Variants in ZZEF1 observed in about 807,000 individuals in gnomAD.
The protein encoded by ZZEF1 is zinc finger ZZ-type and EF-hand domain-containing protein 1.
In ZZEF1, 157 loss-of-function variants were observed where a neutral mutation model predicts 342.8. The observed-to-expected ratio is 0.46, with a 90% CI of 0.40 to 0.52. The LOEUF is 0.52. Ranked by LOEUF, ZZEF1 falls within the 20% of genes least tolerant of loss-of-function variation. The probability of loss-of-function intolerance (pLI) is 0.00; values close to 1 mark genes in which losing one functional copy is unlikely to be tolerated. For missense variants in ZZEF1, 3,480 were observed against 3,725.6 expected (o/e 0.93, Z 1.72); for synonymous variants, 1,505 against 1,429.1 (o/e 1.05, Z -1.20).
At position 4,017,500 on chromosome 17, in the gene ZZEF1, T is replaced by C; in HGVS notation, c.7872A>G (p.Ala2624=). ...GGCTAGGCCACTCGGCGAGCAGGGA[T>C]GCAAGCACGTGGCGGGCGTACAGGA... ...TAVLYARHVL[A]SLLAEWPSHV... is the part of the protein sequence containing the mutation. Residue 2624 remains alanine (A), a synonymous_variant, in exon 48 of 55, where the codon GCA becomes GCG. Transcript: ENST00000381638. The surrounding 1 kb of genome is among the most constrained non-coding windows in gnomAD (Gnocchi z 5.1). 1 of 1,614,256 alleles carries C rather than the reference T, an allele frequency of 6.2e-7. No homozygotes were observed. Among genetic ancestry groups the C allele is most frequent in the Admixed American group, 1.7e-5 (1 of 60,036 alleles).
intron 39 of ZZEF1, among the ~76,000 whole-genome samples, chr17:4,038,802 T>G (rs908431204): frequency 1.4e-5 from 2 of 144,778 alleles, no homozygotes; most frequent in Non-Finnish European, 3.0e-5. Context: ...CAAGACTCTG[T>G]CTCAAAAAAC....
At chr17:4,037,138 C>G (rs1241760575) in intron 39 of ZZEF1, among the ~76,000 whole-genome samples, 1 of 151,914 alleles carries the variant, frequency 6.6e-6, no homozygotes, top group Non-Finnish European at 1.5e-5. Context: ...AATCATGAAC[C>G]CATACTGATA....
intron 2 of ZZEF1, among the ~76,000 whole-genome samples, chr17:4,121,727 A>ATTT (rs113730635): frequency 6.8e-6 from 1 of 146,776 alleles, no homozygotes; most frequent in African/African-American, 2.5e-5. Context: ...GGAGATACAC[A>ATTT]TTTTTTTTTT....
At chr17:4,116,845 A>C (rs1321091110) in intron 3 of ZZEF1, 127 bp downstream of exon 3, 1 of 962,050 alleles carries the variant, frequency 1.0e-6, no homozygotes, top group Non-Finnish European at 1.5e-6. Context: ...TCACATTCTT[A>C]CGTTACAAAC....
intron 6 of ZZEF1, 99 bp downstream of exon 6, chr17:4,109,554 A>T (rs2058263724): frequency 5.3e-6 from 7 of 1,323,974 alleles, no homozygotes; most frequent in Non-Finnish European, 7.5e-6. Context: ...ACTGAGCCAC[A>T]ACGATCAATG....
At chr17:4,065,490 T>C (rs1567809196) in intron 28 of ZZEF1, among the ~76,000 whole-genome samples, 1 of 152,086 alleles carries the variant, frequency 6.6e-6, no homozygotes, top group South Asian at 2.1e-4. Context: ...TTTATCTCAT[T>C]ATAGAAATCA....
rs1024808185 is a variant in ZZEF1 at position 4,104,634 on chromosome 17, A to G, written c.1572T>C (p.Tyr524=). 1.2e-6 allele frequency: 2 copies of G among 1,613,402 alleles called. No homozygotes were observed. Among genetic ancestry groups the G allele is most frequent in the Non-Finnish European group, 1.7e-6 (2 of 1,179,804 alleles). Reference sequence around the variant, plus strand: ...ACCCCCATGTTTTACCATATTTACCATATTTGAGGAGCAGGTTCTGTCTGA... The same window carrying G: ...ACCCCCATGTTTTACCATATTTACCGTATTTGAGGAGCAGGTTCTGTCTGA... ...ASVRQNLLLK[Y]GKPLQLTLQA... Residue 524 remains tyrosine (Y), a splice_region_variant and synonymous_variant, in exon 8 of 55, where the codon TAT becomes TAC. Coordinates refer to ENST00000381638, the MANE Select transcript of ZZEF1 (RefSeq NM_015113.4).
At chr17:4,032,755 CCA>C in intron 41 of ZZEF1, 71 bp downstream of exon 41, 1 of 1,509,436 alleles carries the variant, frequency 6.6e-7, no homozygotes, top group Non-Finnish European at 9.1e-7. Context: ...TATCCGGAAG[CCA>C]CAGAGGCTTT....
rs78839012 is a variant in ZZEF1 at position 4,109,920 on chromosome 17, G to C, written c.1067-57C>G. 1,721 of 1,571,066 alleles carry C rather than the reference G, an allele frequency of 1.1e-3. 15 individuals carry two copies. The African/African-American group carries it at 0.021, about 19-fold the overall frequency. On this transcript the variant is annotated intron_variant, in intron 5 of 54. Transcript: ENST00000381638. ...GATTAACTTCTTTAGGCAAATGCTG[G>C]GCTCCCAACTAAAAGCAAAATAGTA...
chr17:4,091,392 A>G (rs1466013990), intron 11 of ZZEF1, among the ~76,000 whole-genome samples: 1 of 152,238 alleles, frequency 6.6e-6, no homozygotes, highest in Non-Finnish European at 1.5e-5. Context: ...TCCAGCCTTG[A>G]GGCTGAAGAG....
rs755336147 is a variant in ZZEF1, at chr17:4,142,741, T to C, written c.155A>G (p.Glu52Gly). Residue 52 changes from glutamate to glycine, a missense_variant, in exon 1 of 55, where the codon GAG becomes GGG. By Grantham distance (98) the Glu-to-Gly change is moderately conservative. Transcript: ENST00000381638. ...PALPPAAALLEPARLREAAAA... is the reference protein window; with the variant it reads ...PALPPAAALLGPARLREAAAA... ...AGCAGCCTCTCGCAGCCTGGCCGGCTCCAGCAGCGCCGCGGCGGGTGGTAG... is the reference window on the plus strand; with the variant it reads ...AGCAGCCTCTCGCAGCCTGGCCGGCCCCAGCAGCGCCGCGGCGGGTGGTAG... 6.6e-7 allele frequency: 1 copy of C among 1,514,534 alleles called. No individual in the cohort carries two copies. 93.8% of individuals were successfully genotyped at this position (1,514,534 alleles called of 1,614,324 possible).
At chr17:4,067,807 C>A (rs1162918290) in intron 26 of ZZEF1, among the ~76,000 whole-genome samples, 1 of 152,142 alleles carries the variant, frequency 6.6e-6, no homozygotes, top group Non-Finnish European at 1.5e-5. Flanking sequence ...CATCATAGCT[C>A]CCTGCAGCCT....
chr17:4,055,946 C>T (rs868450952), intron 33 of ZZEF1, among the ~76,000 whole-genome samples: 1 of 152,222 alleles, frequency 6.6e-6, no homozygotes, highest in Non-Finnish European at 1.5e-5. Context: ...AACTAGATGC[C>T]TCGCATGCGC....
At position 4,109,727 on chromosome 17, in the gene ZZEF1, A is replaced by G; in HGVS notation, c.1203T>C (p.Ser401=). ...VSDASAIWYW[S]LLTSLVTASM... is the part of the protein sequence containing the mutation. ...AAGCCGTCACCAGAGATGTCAGCAG[A>G]GACCAATACCATATTGCAGAAGCAT... Residue 401 remains serine (S), a synonymous_variant, in exon 6 of 55, where the codon TCT becomes TCC. Transcript: ENST00000381638. The G allele has an allele frequency of 6.2e-7, 1 of 1,614,226 alleles. No homozygotes were observed. Among genetic ancestry groups the G allele is most frequent in the Non-Finnish European group, 8.5e-7 (1 of 1,180,044 alleles).
At chr17:4,022,262 A>T (rs1055577587) in intron 44 of ZZEF1, among the ~76,000 whole-genome samples, 1 of 152,234 alleles carries the variant, frequency 6.6e-6, no homozygotes, top group African/African-American at 2.4e-5. Flanking sequence ...GAAAGTCCAC[A>T]GGGAACCACA....
In ZZEF1 at chr17:4,070,841, T is replaced by C. The variant is rs2057494030; in HGVS notation, c.3918A>G (p.Pro1306=). The change falls in exon 26 of 55, where the codon CCA becomes CCG. Residue 1306 remains proline, a synonymous_variant. Transcript: ENST00000381638. The part of the protein sequence containing the change: ...QSEPAQNFCG[P]YSELFKGFIQ... ...TGAATCCTTTGAAAAGTTCTGAATA[T>C]GGCCCACAGAAGTTCTGAGCAGGCT... 6.2e-7 allele frequency: 1 copy of C among 1,614,126 alleles called. No individual in the cohort carries two copies. Among genetic ancestry groups the C allele is most frequent in the Non-Finnish European group, 8.5e-7 (1 of 1,180,034 alleles).
intron 37 of ZZEF1, 32 bp downstream of exon 37, chr17:4,049,676 G>A (rs2057002811): frequency 1.2e-6 from 2 of 1,612,988 alleles, no homozygotes; most frequent in Admixed American, 3.3e-5. Context: ...AGTTCAACCT[G>A]TGATTCTGTG....
chr17:4,085,954 A>C (rs1597869891), intron 15 of ZZEF1, 151 bp from the exon 16 acceptor site: 1 of 970,660 alleles, frequency 1.0e-6, no homozygotes, highest in East Asian at 2.7e-5. Context: ...AGTATAAAAA[A>C]ATATTTTTTA....
At chr17:4,104,236 G>A (rs534976984) in intron 8 of ZZEF1, among the ~76,000 whole-genome samples, 24 of 152,264 alleles carry the variant, frequency 1.6e-4, no homozygotes, top group South Asian at 8.3e-4. Context: ...CCTTTGCACC[G>A]TATCTTGGCT....
Sources: allele counts gnomAD v4.1 joint callset (sites outside exome capture counted in the v4.1 genomes callset), GRCh38; gene constraint gnomAD v4.1.1; non-coding constraint Gnocchi (gnomAD v3.1); transcripts MANE v1.5; gene names NCBI Gene and HGNC (gene_info 2026-07-23, HGNC 2026-07-21).